Variants in PHACTR2 observed in about 807,000 individuals in gnomAD.
PHACTR2 encodes chromosome 6 open reading frame 56.
Under a neutral mutation model 76.0 loss-of-function variants are expected in PHACTR2, and 30 were observed. The observed-to-expected ratio is 0.39, with a 90% CI of 0.30 to 0.54. The LOEUF (loss-of-function observed/expected upper bound fraction) is 0.54, where lower values mean the gene tolerates loss of function less well. Among genes scored for constraint, PHACTR2 ranks in the 20% least tolerant of loss-of-function variants. The pLI, the probability that PHACTR2 is intolerant of heterozygous loss-of-function variation, is 0.61. For synonymous variants in PHACTR2, 292 were observed against 292.5 expected (o/e 1.00, Z 0.02); for missense variants, 696 against 781.1 (o/e 0.89, Z 1.30).
rs1186019158 is a variant in PHACTR2 at position 143,794,275 on chromosome 6, TAAC to T, written c.1845+5368_1845+5370del. Among the ~76,000 whole-genome samples the T allele has an allele frequency of 1.3e-5, 2 of 151,302 alleles. No homozygotes were observed. The highest frequency in any genetic ancestry group is 2.9e-5 in the Non-Finnish European group (2 of 67,798). On this transcript the variant is annotated intron_variant, in intron 11 of 12. Coordinates refer to ENST00000440869, the MANE Select transcript of PHACTR2 (RefSeq NM_001100164.2). This position sits in a 1 kb window ranked among gnomAD's most constrained non-coding sequence, Gnocchi z 4.1. Reference sequence around the variant, plus strand: ...AATAACACATGCTAATCACCATTATTAACAAGCATTTCTGGTTTTTGTTGCTTT... The same window carrying T: ...AATAACACATGCTAATCACCATTATTAAGCATTTCTGGTTTTTGTTGCTTT...
In PHACTR2 at chr6:143,684,037, T is replaced by A. The variant is rs2128453978; in HGVS notation, c.46+5828T>A. Among the ~76,000 whole-genome samples, 1 of 152,374 alleles carries A rather than the reference T, an allele frequency of 6.6e-6. No individual in the cohort carries two copies. The highest frequency in any genetic ancestry group is 2.1e-4 in the South Asian group (1 of 4,834). On this transcript the variant is annotated intron_variant, in intron 1 of 12. Transcript: ENST00000440869. This position sits in a 1 kb window ranked among gnomAD's most constrained non-coding sequence, Gnocchi z 4.3. ...AACACTATTATAGTATGTGGATATA[T>A]GAAAACTTCCTTTAAAAGAATCCTG...
chr6:143,784,882 G>T lies in PHACTR2; in HGVS notation c.1707+1602G>T, dbSNP rs1391136495. Among the ~76,000 whole-genome samples the T allele has an allele frequency of 6.6e-6, 1 of 152,124 alleles. No homozygotes were observed. Among genetic ancestry groups the T allele is most frequent in the East Asian group, 1.9e-4 (1 of 5,174 alleles). ...ACTATCACAAGAATAGAATGGGAAA[G>T]ACCGAGCCCCATGATTCAATTACCT... On this transcript the variant is annotated intron_variant, in intron 10 of 12. Coordinates refer to ENST00000440869, the MANE Select transcript of PHACTR2 (RefSeq NM_001100164.2). This position sits in a 1 kb window ranked among gnomAD's most constrained non-coding sequence, Gnocchi z 4.5.
At chr6:143,771,227 T>TAC (rs1343139503) in intron 6 of PHACTR2, among the ~76,000 whole-genome samples, 15 of 116,086 alleles carry the variant, frequency 1.3e-4, no homozygotes, top group African/African-American at 5.2e-4. Flanking sequence ...TATATATATA[T>TAC]ATATATATGC....
intron 12 of PHACTR2, among the ~76,000 whole-genome samples, chr6:143,808,396 T>G (rs539495709): frequency 6.6e-6 from 1 of 152,172 alleles, no homozygotes; most frequent in South Asian, 2.1e-4. Context: ...CTCAGAATGC[T>G]GGGATTACAG....
rs80144467 is a variant in PHACTR2 at position 143,693,097 on chromosome 6, C to T, written c.46+14888C>T. 9.2e-5 allele frequency among the ~76,000 whole-genome samples: 14 copies of T among 152,238 alleles called. 1 individual carries two copies. In the East Asian group the frequency reaches 1.7e-3, roughly 19 times the overall value. On this transcript the variant is annotated intron_variant, in intron 1 of 12. Transcript: ENST00000440869. ...TTGGAGTAGGGCCCACCCATATGAC[C>T]TCATTTTACCTTAATTTTACTTTTT...
chr6:143,651,407 A>G (rs1365329863), intron 1 of PHACTR2, among the ~76,000 whole-genome samples: 1 of 152,232 alleles, frequency 6.6e-6, no homozygotes, highest in East Asian at 1.9e-4. Flanking sequence ...TCATTGCAAC[A>G]CTATCCACAA....
rs1440588208 is a variant in PHACTR2, at chr6:143,585,044, C to T, written c.217+47837C>T. On this transcript the variant is annotated intron_variant, in intron 1 of 11. Transcript: ENST00000367584. The surrounding 1 kb of genome is among the most constrained non-coding windows in gnomAD (Gnocchi z 5.2). ...CCTTCTATAGGCTTGGCTGTCATAA[C>T]TCAAGTTGTTGGGGGACACATGACT... Among the ~76,000 whole-genome samples the T allele has an allele frequency of 6.7e-6, 1 of 149,340 alleles. No homozygotes were observed. Among genetic ancestry groups the T allele is most frequent in the Non-Finnish European group, 1.5e-5 (1 of 67,472 alleles).
rs1167072821 is a variant in PHACTR2 at position 143,794,878 on chromosome 6, A to G, written c.1845+5968A>G. Among the ~76,000 whole-genome samples, 2 of 152,110 alleles carry G rather than the reference A, an allele frequency of 1.3e-5. No homozygotes were observed. Among genetic ancestry groups the G allele is most frequent in the African/African-American group, 4.8e-5 (2 of 41,410 alleles). On this transcript the variant is annotated intron_variant, in intron 11 of 12. Transcript: ENST00000440869. This position sits in a 1 kb window ranked among gnomAD's most constrained non-coding sequence, Gnocchi z 4.1. ...AGGAGACATCTTTTTTCTTTCTCTT[A>G]TCTTAGTGCCATTTTCTTAGCCCCA...
Position 143,760,887 on chromosome 6 carries a change from C to T in PHACTR2, c.694+247C>T, listed in dbSNP as rs1779426415. Among the ~76,000 whole-genome samples the T allele has an allele frequency of 6.6e-6, 1 of 152,172 alleles. No homozygotes were observed. The highest frequency in any genetic ancestry group is 6.5e-5 in the Admixed American group (1 of 15,282). ...ATACTGGTTTCATCTTGAGTATCCA[C>T]TATCAGCACCAGTTGAAGGATACTG... On this transcript the variant is annotated intron_variant, in intron 5 of 12. Coordinates refer to ENST00000440869, the MANE Select transcript of PHACTR2 (RefSeq NM_001100164.2). This position sits in a 1 kb window ranked among gnomAD's most constrained non-coding sequence, Gnocchi z 6.4.
intron 1 of PHACTR2, among the ~76,000 whole-genome samples, chr6:143,644,582 A>T (rs1776625328): frequency 6.8e-6 from 1 of 147,522 alleles, no homozygotes; most frequent in Non-Finnish European, 1.5e-5. Flanking sequence ...CTTTTTTTTT[A>T]GCATAATTCA....
rs1774997278 is a variant in PHACTR2, at chr6:143,546,449, C to T, written c.217+9242C>T. On this transcript the variant is annotated intron_variant, in intron 1 of 11. Transcript: ENST00000367584. The surrounding 1 kb of genome is among the most constrained non-coding windows in gnomAD (Gnocchi z 4.9). Reference sequence around the variant, plus strand: ...AGGTACAATGCTTTGATTTTGGGTCCATAACTCACATACTGTAAGCATGTG... The same window carrying T: ...AGGTACAATGCTTTGATTTTGGGTCTATAACTCACATACTGTAAGCATGTG... Among the ~76,000 whole-genome samples the T allele has an allele frequency of 6.6e-6, 1 of 151,842 alleles. No homozygotes were observed. Among genetic ancestry groups the T allele is most frequent in the Non-Finnish European group, 1.5e-5 (1 of 68,004 alleles).
chr6:143,558,880 T>A lies in PHACTR2; in HGVS notation c.217+21673T>A, dbSNP rs1198618008. On this transcript the variant is annotated intron_variant, in intron 1 of 11. Transcript: ENST00000367584. The surrounding 1 kb of genome is among the most constrained non-coding windows in gnomAD (Gnocchi z 4.7). ...GCTCGAGGGCCCCTAAACACCTCCC[T>A]GATGATTGACCAGCTGAAATGCATG... is the stretch of plus-strand genomic sequence containing the variant. 6.6e-6 allele frequency among the ~76,000 whole-genome samples: 1 copy of A among 152,182 alleles called. No individual in the cohort carries two copies. The highest frequency in any genetic ancestry group is 1.5e-5 in the Non-Finnish European group (1 of 68,026).
intron 1 of PHACTR2, among the ~76,000 whole-genome samples, chr6:143,567,152 C>T (rs1324730967): frequency 3.9e-5 from 6 of 152,112 alleles, no homozygotes; most frequent in Non-Finnish European, 8.8e-5. Flanking sequence ...TAATTCACTA[C>T]CTCGAAGTAC....
rs1775224047 is a variant in PHACTR2, at chr6:143,774,319, C to T, written c.1589+104C>T. 1 of 818,386 alleles carries T rather than the reference C, an allele frequency of 1.2e-6. No homozygotes were observed. Among genetic ancestry groups the T allele is most frequent in the Non-Finnish European group, 1.9e-6 (1 of 526,702 alleles). The allele number at this position is 818,386 out of a possible 1,614,324, so 50.7% of individuals were successfully genotyped here. A position where few individuals can be genotyped will look rare whatever the true frequency, so the allele number is the denominator to read the frequency against. ...ATTGTGAATTCCTTATGTACAGATACATCTGGCCTACTGGGTCTTTTAAAG... is the reference window on the plus strand; with the variant it reads ...ATTGTGAATTCCTTATGTACAGATATATCTGGCCTACTGGGTCTTTTAAAG... On this transcript the variant is annotated intron_variant, in intron 8 of 12. Coordinates refer to ENST00000440869, the MANE Select transcript of PHACTR2 (RefSeq NM_001100164.2). The surrounding 1 kb of genome is among the most constrained non-coding windows in gnomAD (Gnocchi z 5.4).
At chr6:143,572,103 T>C (rs1438107675) in intron 1 of PHACTR2, among the ~76,000 whole-genome samples, 1 of 152,264 alleles carries the variant, frequency 6.6e-6, no homozygotes, top group Non-Finnish European at 1.5e-5. Flanking sequence ...TCTATATTTC[T>C]TTTTAGTAGG....
rs1325381632 is a variant in PHACTR2 at position 143,678,175 on chromosome 6, C to G, written c.12C>G (p.Thr4=). 1 of 1,541,800 alleles carries G rather than the reference C, an allele frequency of 6.5e-7. No individual in the cohort carries two copies. Among genetic ancestry groups the G allele is most frequent in the Non-Finnish European group, 8.7e-7 (1 of 1,143,308 alleles). ...CTGCGACCCCAGTCATGGGCCAGAC[C>G]TCGGTGTCCACGCTGTCCCCGCAGC... MGQ[T]SVSTLSPQPG... is the part of the protein sequence containing the mutation. Residue 4 remains threonine, a synonymous_variant, in exon 1 of 13, where the codon ACC becomes ACG. Coordinates refer to ENST00000440869, the MANE Select transcript of PHACTR2 (RefSeq NM_001100164.2). The surrounding 1 kb of genome is among the most constrained non-coding windows in gnomAD (Gnocchi z 6.2).
rs1775619865 is a variant in PHACTR2 at position 143,789,071 on chromosome 6, T to C, written c.1845+161T>C. ...TAAGCCACTTAAGTGATACATTTAGTGATATCAATGTAGTTCTTTCAACTA... is the reference window on the plus strand; with the variant it reads ...TAAGCCACTTAAGTGATACATTTAGCGATATCAATGTAGTTCTTTCAACTA... On this transcript the variant is annotated intron_variant, in intron 11 of 12. Transcript: ENST00000440869. The surrounding 1 kb of genome is among the most constrained non-coding windows in gnomAD (Gnocchi z 5.1). 1 of 562,804 alleles carries C rather than the reference T, an allele frequency of 1.8e-6. No homozygotes were observed. The highest frequency in any genetic ancestry group is 2.6e-5 in the South Asian group (1 of 37,812). The allele number at this position is 562,804 out of a possible 1,614,324, so 34.9% of individuals were successfully genotyped here.
chr6:143,779,343 G>T (rs747626171), intron 9 of PHACTR2, among the ~76,000 whole-genome samples: 1 of 150,374 alleles, frequency 6.7e-6, no homozygotes, highest in Non-Finnish European at 1.5e-5. Flanking sequence ...CTTTAACTAG[G>T]TCATCTTTTT....
At chr6:143,718,057 A>C (rs1778341824) in intron 2 of PHACTR2, among the ~76,000 whole-genome samples, 1 of 152,204 alleles carries the variant, frequency 6.6e-6, no homozygotes, top group Non-Finnish European at 1.5e-5. Context: ...GTATAAAGAA[A>C]ATCAAGGCAA....
Sources: allele counts gnomAD v4.1 joint callset (sites outside exome capture counted in the v4.1 genomes callset), GRCh38; gene constraint gnomAD v4.1.1; non-coding constraint Gnocchi (gnomAD v3.1); transcripts MANE v1.5; gene names NCBI Gene and HGNC (gene_info 2026-07-23, HGNC 2026-07-21).